The following SORCS1 variants were observed in gnomAD, a reference collection of about 807,000 sequenced individuals.
SORCS1 encodes sortilin related VPS10 domain containing receptor 1, also known as VPS10 domain-containing receptor SorCS1.
A neutral mutation model predicts 146.1 loss-of-function variants in SORCS1; 60 were observed. The ratio of observed to expected loss-of-function variants is 0.41; its 90% confidence interval spans 0.33 to 0.51. The LOEUF (loss-of-function observed/expected upper bound fraction) is 0.51, where lower values mean the gene tolerates loss of function less well. Ranked by LOEUF, SORCS1 falls within the 20% of genes least tolerant of loss-of-function variation. SORCS1 has a pLI of 0.21. For synonymous variants in SORCS1, 637 were observed against 584.0 expected (o/e 1.09, Z -1.31); for missense variants, 1,352 against 1,487.6 (o/e 0.91, Z 1.50).
rs141113825 is a variant in SORCS1, at chr10:106,914,183, T to C, written c.626+42330A>G. ...AATGCCCAGAATTTACAACATTTGC[T>C]GAAGGAAGGGAGGAGGATGCTGGGT... On this transcript the variant is annotated intron_variant, in intron 2 of 25. Transcript: ENST00000263054. 3.4e-3 allele frequency among the ~76,000 whole-genome samples: 523 copies of C among 152,332 alleles called. 2 individuals are homozygous for C. Among genetic ancestry groups the C allele is most frequent in the African/African-American group, 0.012 (485 of 41,580 alleles).
At chr10:107,177,951 GA>G in the SORCS1 span, among the ~76,000 whole-genome samples, 2 of 152,114 alleles carry the variant, frequency 1.3e-5, no homozygotes, top group African/African-American at 4.8e-5. Flanking sequence ...GCTGAATGAT[GA>G]GAACACATGG....
intron 4 of SORCS1, among the ~76,000 whole-genome samples, chr10:106,774,012 T>A (rs540685011): frequency 3.3e-5 from 5 of 152,156 alleles, no homozygotes; most frequent in African/African-American, 1.2e-4. Flanking sequence ...TTGTAGAATA[T>A]CCACATGTGA....
At chr10:106,865,135 G>T (rs1314950608) in intron 2 of SORCS1, among the ~76,000 whole-genome samples, 1 of 151,658 alleles carries the variant, frequency 6.6e-6, no homozygotes, top group East Asian at 2.0e-4. Flanking sequence ...ACAAAAATGT[G>T]ATGACAGCTG....
intron 1 of SORCS1, among the ~76,000 whole-genome samples, chr10:107,129,677 C>T (rs533475138): frequency 7.5e-4 from 114 of 152,302 alleles, no homozygotes; most frequent in African/African-American, 2.5e-3. Context: ...AAGGCTTCTT[C>T]GAAACAAACC....
intron 6 of SORCS1, among the ~76,000 whole-genome samples, chr10:106,728,396 C>T (rs545415816): frequency 2.6e-4 from 39 of 152,316 alleles, no homozygotes; most frequent in African/African-American, 7.2e-4. Flanking sequence ...ACCACCAGAG[C>T]GAGCCCCCTG....
chr10:106,595,085 C>T (rs777972193), intron 24 of SORCS1, among the ~76,000 whole-genome samples: 1 of 152,148 alleles, frequency 6.6e-6, no homozygotes, highest in Non-Finnish European at 1.5e-5. Flanking sequence ...CCCCATTCAC[C>T]AAACACCAAA....
At chr10:106,834,266 C>T (rs918243551) in intron 2 of SORCS1, among the ~76,000 whole-genome samples, 24 of 151,986 alleles carry the variant, frequency 1.6e-4, no homozygotes, top group Non-Finnish European at 2.5e-4. Flanking sequence ...GCTTGTGAGC[C>T]GATATGCTGG....
intron 2 of SORCS1, among the ~76,000 whole-genome samples, chr10:106,888,122 G>T (rs562953878): frequency 6.6e-6 from 1 of 152,252 alleles, no homozygotes; most frequent in Admixed American, 6.5e-5. Context: ...CGTTCTTTGG[G>T]TTTTTATAGA....
At chr10:106,580,649 G>A (rs1844848699) in intron 24 of SORCS1, among the ~76,000 whole-genome samples, 1 of 152,114 alleles carries the variant, frequency 6.6e-6, no homozygotes, top group Admixed American at 6.5e-5. Flanking sequence ...TCTCTGGTGT[G>A]AGCCGAGAGG....
intron 2 of SORCS1, among the ~76,000 whole-genome samples, chr10:106,902,828 C>G (rs1951765040): frequency 6.6e-6 from 1 of 152,312 alleles, no homozygotes; most frequent in East Asian, 1.9e-4. Context: ...CCTATAATCC[C>G]AGCACTTTGG....
chr10:107,107,822 C>T (rs1195202124), intron 1 of SORCS1, among the ~76,000 whole-genome samples: 1 of 152,142 alleles, frequency 6.6e-6, no homozygotes, highest in Non-Finnish European at 1.5e-5. Flanking sequence ...AGCTATGGCC[C>T]CATTTTCTCT....
intron 2 of SORCS1, among the ~76,000 whole-genome samples, chr10:106,852,535 G>A (rs1344391228): frequency 6.7e-6 from 1 of 150,126 alleles, no homozygotes; most frequent in African/African-American, 2.4e-5. Context: ...GGCTGAGGCA[G>A]GAGAATCACT....
intron 1 of SORCS1, among the ~76,000 whole-genome samples, chr10:107,065,807 C>A (rs1961793997): frequency 6.6e-6 from 1 of 152,044 alleles, no homozygotes; most frequent in Non-Finnish European, 1.5e-5. Context: ...CATGAGCCAC[C>A]ACTCCCAGCC....
intron 2 of SORCS1, among the ~76,000 whole-genome samples, chr10:106,888,191 T>C (rs988613555): frequency 6.6e-6 from 1 of 152,192 alleles, no homozygotes; most frequent in Non-Finnish European, 1.5e-5. Context: ...GGTAATAGTT[T>C]ATAGAATAAA....
chr10:106,894,753 A>G (rs1341000474), intron 2 of SORCS1, among the ~76,000 whole-genome samples: 1 of 152,222 alleles, frequency 6.6e-6, no homozygotes, highest in Non-Finnish European at 1.5e-5. Flanking sequence ...TAAAATAAAA[A>G]AAAGACTTGT....
At chr10:106,942,271 GT>G (rs1236797789) in intron 2 of SORCS1, among the ~76,000 whole-genome samples, 2 of 152,070 alleles carry the variant, frequency 1.3e-5, no homozygotes, top group Non-Finnish European at 2.9e-5. Context: ...AGGTCCTACT[GT>G]TTCACTGTTT....
chr10:106,777,460 A>G (rs77227380), intron 3 of SORCS1, among the ~76,000 whole-genome samples: 7,167 of 152,324 alleles, frequency 0.047, 270 homozygotes, highest in East Asian at 0.11. Flanking sequence ...GAATAAATGA[A>G]TGCATAGAAA....
At chr10:106,988,663 A>G (rs554785702) in intron 1 of SORCS1, among the ~76,000 whole-genome samples, 1 of 152,294 alleles carries the variant, frequency 6.6e-6, no homozygotes, top group Admixed American at 6.5e-5. Flanking sequence ...GGGAATTGGC[A>G]GAGTAGGAAA....
intron 2 of SORCS1, among the ~76,000 whole-genome samples, chr10:106,889,963 TTTACACTACTATTTCTCAA>T: frequency 6.6e-6 from 1 of 151,428 alleles, no homozygotes; most frequent in African/African-American, 2.4e-5. Flanking sequence ...TTCTGATGAC[TTTACACTACTATTTCTCAA>T]TTACACTACT....
Sources: gnomAD v4.1 joint callset for allele counts (sites outside exome capture counted in the v4.1 genomes callset) on GRCh38, gnomAD v4.1.1 for gene constraint, MANE v1.5 for transcripts, NCBI Gene and HGNC (gene_info 2026-07-23, HGNC 2026-07-21) for gene names.